Variants in PLXDC2 observed in about 807,000 individuals in gnomAD.
The protein encoded by PLXDC2 is plexin domain containing 2.
In PLXDC2, 40 loss-of-function variants were observed where a neutral mutation model predicts 68.9. That is an observed-to-expected ratio of 0.58 (90% CI 0.45 to 0.76). The LOEUF is 0.76. Among genes scored for constraint, PLXDC2 ranks in the 30% least tolerant of loss-of-function variants. The probability of loss-of-function intolerance (pLI) is 0.00; values close to 1 mark genes in which losing one functional copy is unlikely to be tolerated. For synonymous variants in PLXDC2, 243 were observed against 234.2 expected (o/e 1.04, Z -0.34); for missense variants, 644 against 661.9 (o/e 0.97, Z 0.30).
intron 1 of PLXDC2, among the ~76,000 whole-genome samples, chr10:19,839,491 A>G (rs779975105): frequency 2.6e-5 from 4 of 152,210 alleles, no homozygotes; most frequent in Non-Finnish European, 5.9e-5. Context: ...GACTCAGCTC[A>G]CAGGGGCCTT....
intron 1 of PLXDC2, among the ~76,000 whole-genome samples, chr10:19,838,114 C>T (rs941362974): frequency 6.6e-6 from 1 of 152,012 alleles, no homozygotes; most frequent in Admixed American, 6.6e-5. Flanking sequence ...GTCTTTCCAC[C>T]CCAGACTCCC....
chr10:20,149,229 C>CCTTTTTTT (rs1834120053), intron 6 of PLXDC2, among the ~76,000 whole-genome samples: 1 of 34,936 alleles, frequency 2.9e-5, no homozygotes, highest in African/African-American at 1.2e-4. Context: ...TTTTTCTTTT[C>CCTTTTTTT]TTTTTTTTTT....
intron 2 of PLXDC2, among the ~76,000 whole-genome samples, chr10:20,036,411 AT>A (rs1311305355): frequency 3.3e-5 from 5 of 152,100 alleles, no homozygotes; most frequent in Non-Finnish European, 7.4e-5. Flanking sequence ...TGGAATCTCG[AT>A]CTTGGACTTC....
chr10:20,188,137 ATG>A (rs1834711522), intron 9 of PLXDC2, among the ~76,000 whole-genome samples: 1 of 151,626 alleles, frequency 6.6e-6, no homozygotes, highest in African/African-American at 2.4e-5. Context: ...TATACTAAAT[ATG>A]TGTTATTAAA....
At chr10:20,120,463 T>C (rs1279070841) in intron 4 of PLXDC2, among the ~76,000 whole-genome samples, 1 of 152,210 alleles carries the variant, frequency 6.6e-6, no homozygotes, top group Non-Finnish European at 1.5e-5. Flanking sequence ...CCTGAAAAAC[T>C]GCTTGGCTGA....
intron 6 of PLXDC2, among the ~76,000 whole-genome samples, chr10:20,154,702 T>C (rs1834196083): frequency 6.6e-6 from 1 of 152,184 alleles, no homozygotes; most frequent in African/African-American, 2.4e-5. Flanking sequence ...TCTATTCTCT[T>C]GATATACTTG....
chr10:20,272,480 A>G lies in PLXDC2; in HGVS notation c.1474-7223A>G, dbSNP rs114091319. ...AAAAATTCAAGAAAGAGAGCTTGTC[A>G]CCCATGAGTCTGAGTGCCATGCCTC... is the stretch of plus-strand genomic sequence containing the variant. On this transcript the variant is annotated intron_variant, in intron 13 of 13. Coordinates refer to ENST00000377252, the MANE Select transcript of PLXDC2 (RefSeq NM_032812.9). Among the ~76,000 whole-genome samples, 708 of 152,256 alleles carry G rather than the reference A, an allele frequency of 4.7e-3. 9 individuals carry two copies. The highest frequency in any genetic ancestry group is 0.014 in the African/African-American group (580 of 41,564).
intron 4 of PLXDC2, among the ~76,000 whole-genome samples, chr10:20,116,996 A>G (rs576869916): frequency 3.9e-5 from 6 of 152,232 alleles, no homozygotes; most frequent in African/African-American, 1.4e-4. Context: ...TGGAAGAAAA[A>G]ATATATTCTC....
chr10:19,943,606 A>G (rs771714500), intron 1 of PLXDC2, among the ~76,000 whole-genome samples: 30 of 152,238 alleles, frequency 2.0e-4, no homozygotes, highest in Non-Finnish European at 3.4e-4. Context: ...ACATTAGACC[A>G]CACGAAGCTC....
intron 1 of PLXDC2, among the ~76,000 whole-genome samples, chr10:19,929,220 GA>G (rs1242273779): frequency 4.1e-5 from 6 of 147,902 alleles, no homozygotes; most frequent in Admixed American, 1.3e-4. Flanking sequence ...TCTACTAAAA[GA>G]AAAAAAAAAT....
At chr10:20,140,616 C>T (rs906707910) in intron 4 of PLXDC2, among the ~76,000 whole-genome samples, 3 of 151,932 alleles carry the variant, frequency 2.0e-5, no homozygotes, top group African/African-American at 7.2e-5. Context: ...TAAGGTTTCT[C>T]TCCACTCAAT....
At chr10:20,110,504 T>C (rs1833545420) in intron 4 of PLXDC2, among the ~76,000 whole-genome samples, 1 of 152,212 alleles carries the variant, frequency 6.6e-6, no homozygotes, top group African/African-American at 2.4e-5. Flanking sequence ...TCCCCTTTTT[T>C]TGGAAATCAC....
At chr10:19,955,290 C>T (rs1489195008) in intron 1 of PLXDC2, among the ~76,000 whole-genome samples, 1 of 151,584 alleles carries the variant, frequency 6.6e-6, no homozygotes, top group African/African-American at 2.4e-5. Flanking sequence ...TGCATAGCCT[C>T]CCAAACTGCT....
At chr10:20,056,055 G>A (rs1325922877) in intron 3 of PLXDC2, among the ~76,000 whole-genome samples, 1 of 152,076 alleles carries the variant, frequency 6.6e-6, no homozygotes, top group African/African-American at 2.4e-5. Context: ...TTACAACTAT[G>A]AGACCTTGGG....
intron 9 of PLXDC2, among the ~76,000 whole-genome samples, chr10:20,206,036 A>G (rs1306834427): frequency 1.3e-5 from 2 of 152,128 alleles, no homozygotes; most frequent in African/African-American, 4.8e-5. Context: ...AAATGTTCTT[A>G]TCACAAAAAG....
chr10:19,840,496 T>C (rs899496695), intron 1 of PLXDC2, among the ~76,000 whole-genome samples: 2 of 152,164 alleles, frequency 1.3e-5, no homozygotes, highest in African/African-American at 4.8e-5. Flanking sequence ...CTTACTGTTA[T>C]TAATATTAAA....
intron 1 of PLXDC2, among the ~76,000 whole-genome samples, chr10:19,927,258 G>A (rs1403287212): frequency 6.6e-6 from 1 of 152,168 alleles, no homozygotes; most frequent in Non-Finnish European, 1.5e-5. Context: ...TAGGTTATGA[G>A]TCACGGGCAT....
intron 2 of PLXDC2, among the ~76,000 whole-genome samples, chr10:20,033,563 C>T (rs561040652): frequency 1.3e-4 from 20 of 152,204 alleles, no homozygotes; most frequent in African/African-American, 3.4e-4. Flanking sequence ...GGCACAATCA[C>T]GGCAGAAGGC....
At chr10:20,177,144 G>T in intron 8 of PLXDC2, 50 bp downstream of exon 8, 1 of 1,446,870 alleles carries the variant, frequency 6.9e-7, no homozygotes. Context: ...TAAATTTGAT[G>T]ATCTGATCTG....
Sources: gnomAD v4.1 joint callset for allele counts (sites outside exome capture counted in the v4.1 genomes callset) on GRCh38, gnomAD v4.1.1 for gene constraint, MANE v1.5 for transcripts, NCBI Gene and HGNC (gene_info 2026-07-23, HGNC 2026-07-21) for gene names.